NPAS3: variants seen among roughly 807,000 people sequenced by gnomAD.
NPAS3 encodes neuronal PAS domain-containing protein 3.
A neutral mutation model predicts 73.1 loss-of-function variants in NPAS3; 14 were observed. The ratio of observed to expected loss-of-function variants is 0.19; its 90% confidence interval spans 0.13 to 0.30. NPAS3 has a LOEUF of 0.30. Among genes scored for constraint, NPAS3 ranks in the 10% least tolerant of loss-of-function variants. The pLI is 1.00. For synonymous variants in NPAS3, 620 were observed against 541.5 expected (o/e 1.14, Z -2.01); for missense variants, 1,096 against 1,250.0 (o/e 0.88, Z 1.86).
chr14:33,688,532 TC>T (rs1292539110), intron 6 of NPAS3, among the ~76,000 whole-genome samples: 1 of 151,858 alleles, frequency 6.6e-6, no homozygotes, highest in Non-Finnish European at 1.5e-5. Context: ...GCAAGCAGAG[TC>T]ACAGATGGGC....
chr14:33,249,865 C>G (rs1390055317), intron 3 of NPAS3, among the ~76,000 whole-genome samples: 2 of 151,220 alleles, frequency 1.3e-5, no homozygotes, highest in East Asian at 3.9e-4. Flanking sequence ...CTGCATCAAA[C>G]TCAGTCCCTC....
intron 4 of NPAS3, among the ~76,000 whole-genome samples, chr14:33,503,440 G>A (rs2139935496): frequency 6.6e-6 from 1 of 152,044 alleles, no homozygotes; most frequent in Non-Finnish European, 1.5e-5. Flanking sequence ...TGCTCAGTAA[G>A]TGATCAGAAA....
chr14:33,070,449 G>A (rs552603942), intron 2 of NPAS3, among the ~76,000 whole-genome samples: 1 of 152,206 alleles, frequency 6.6e-6, no homozygotes, highest in Admixed American at 6.5e-5. Context: ...ATTGTGCCTG[G>A]TACTTCTGTG....
chr14:33,729,880 G>A (rs1283017597), intron 6 of NPAS3, among the ~76,000 whole-genome samples: 3 of 152,094 alleles, frequency 2.0e-5, no homozygotes, highest in Non-Finnish European at 4.4e-5. Context: ...AACTACCACA[G>A]ATGTCATCCT....
chr14:33,396,816 C>G (rs1255229268), intron 4 of NPAS3, among the ~76,000 whole-genome samples: 1 of 150,150 alleles, frequency 6.7e-6, no homozygotes, highest in African/African-American at 2.4e-5. Context: ...AATATAAGTG[C>G]AATGTGTACA....
chr14:33,329,198 G>A lies in NPAS3; in HGVS notation c.386-37988G>A, dbSNP rs139774783. On this transcript the variant is annotated intron_variant, in intron 3 of 11. Coordinates refer to ENST00000356141, the Ensembl canonical transcript of NPAS3. Reference sequence around the variant, plus strand: ...TATGCTGCATGGCAAGCCCTGTTGTGGGTAAACAAGACCACCCTGCCCCCA... The same window carrying A: ...TATGCTGCATGGCAAGCCCTGTTGTAGGTAAACAAGACCACCCTGCCCCCA... Among the ~76,000 whole-genome samples, 286 of 152,250 alleles carry A rather than the reference G, an allele frequency of 1.9e-3. 1 individual carries two copies. Among genetic ancestry groups the A allele is most frequent in the Non-Finnish European group, 3.3e-3 (225 of 68,028 alleles).
chr14:33,416,210 A>G (rs966418385), intron 4 of NPAS3, among the ~76,000 whole-genome samples: 1 of 152,106 alleles, frequency 6.6e-6, no homozygotes, highest in Non-Finnish European at 1.5e-5. Context: ...TTGAACATAA[A>G]GGATAAATTC....
chr14:33,173,200 T>C (rs2139391162), intron 2 of NPAS3, among the ~76,000 whole-genome samples: 1 of 152,326 alleles, frequency 6.6e-6, no homozygotes, highest in African/African-American at 2.4e-5. Context: ...CTTGAAAAAT[T>C]ACTGCAAAAC....
At chr14:33,164,870 A>G (rs1174696905) in intron 2 of NPAS3, among the ~76,000 whole-genome samples, 1 of 149,516 alleles carries the variant, frequency 6.7e-6, no homozygotes, top group Non-Finnish European at 1.5e-5. Flanking sequence ...CAATTCACTG[A>G]CTTCCTTCTG....
intron 5 of NPAS3, among the ~76,000 whole-genome samples, chr14:33,569,163 AG>A (rs1332849665): frequency 6.6e-6 from 1 of 152,192 alleles, no homozygotes; most frequent in Non-Finnish European, 1.5e-5. Context: ...TCCTCCTTTC[AG>A]GCTCCTACAG....
chr14:33,240,807 T>C (rs985557788), intron 3 of NPAS3, among the ~76,000 whole-genome samples: 12 of 151,988 alleles, frequency 7.9e-5, no homozygotes, highest in African/African-American at 2.9e-4. Context: ...TGTTACAGCC[T>C]TTTAATTTAC....
chr14:33,676,348 A>G (rs374841175), exon 6 of NPAS3: 27 of 1,596,854 alleles, frequency 1.7e-5, no homozygotes, highest in Non-Finnish European at 2.1e-5. Context: ...GAGCCAGCTC[A>G]GCATCTTCCT....
At chr14:33,410,012 C>T (rs1221714156) in intron 4 of NPAS3, among the ~76,000 whole-genome samples, 1 of 152,140 alleles carries the variant, frequency 6.6e-6, no homozygotes, top group East Asian at 1.9e-4. Flanking sequence ...CTCTTTGTAG[C>T]TCTAACATTG....
At chr14:33,321,716 T>C (rs1343371284) in intron 3 of NPAS3, among the ~76,000 whole-genome samples, 1 of 152,040 alleles carries the variant, frequency 6.6e-6, no homozygotes, top group Non-Finnish European at 1.5e-5. Context: ...AATGCACATA[T>C]TGAGCACAAA....
intron 4 of NPAS3, among the ~76,000 whole-genome samples, chr14:33,504,182 T>C (rs1479967911): frequency 1.3e-5 from 2 of 152,028 alleles, no homozygotes; most frequent in African/African-American, 4.8e-5. Flanking sequence ...TCAAGTTCCA[T>C]GCTTCATCAT....
chr14:32,983,494 G>C (rs1595150257), intron 1 of NPAS3, among the ~76,000 whole-genome samples: 1 of 151,816 alleles, frequency 6.6e-6, no homozygotes, highest in Admixed American at 6.6e-5. Context: ...ACTCATTTTT[G>C]TTCCTCTAAC....
chr14:33,391,374 G>A (rs2046997393), intron 4 of NPAS3, among the ~76,000 whole-genome samples: 1 of 151,924 alleles, frequency 6.6e-6, no homozygotes, highest in South Asian at 2.1e-4. Context: ...TGTATTTTTA[G>A]TAGAGATGGG....
intron 4 of NPAS3, among the ~76,000 whole-genome samples, chr14:33,528,180 G>T (rs925688713): frequency 6.6e-6 from 1 of 151,810 alleles, no homozygotes; most frequent in African/African-American, 2.4e-5. Flanking sequence ...TGGAAGGAGG[G>T]GTGAAGAAGG....
chr14:33,247,115 A>G (rs1306899885), intron 3 of NPAS3, among the ~76,000 whole-genome samples: 1 of 152,174 alleles, frequency 6.6e-6, no homozygotes, highest in African/African-American at 2.4e-5. Flanking sequence ...ACTTCCTTAC[A>G]TTCTAAAGTA....
Sources: allele counts gnomAD v4.1 joint callset (sites outside exome capture counted in the v4.1 genomes callset), GRCh38; gene constraint gnomAD v4.1.1; transcripts MANE v1.5; gene names NCBI Gene and HGNC (gene_info 2026-07-23, HGNC 2026-07-21).